DNAH9: variants seen among roughly 807,000 people sequenced by gnomAD.
DNAH9 encodes DNAH9 variant protein.
Under a neutral mutation model 471.6 loss-of-function variants are expected in DNAH9, and 345 were observed. The observed-to-expected ratio is 0.73, with a 90% CI of 0.67 to 0.80. The LOEUF (loss-of-function observed/expected upper bound fraction) is 0.80. DNAH9 is among the 30% of genes least tolerant of loss of function. The pLI, the probability that DNAH9 is intolerant of heterozygous loss-of-function variation, is 0.00. For missense variants in DNAH9, 5,407 were observed against 5,609.2 expected (o/e 0.96, Z 1.15); for synonymous variants, 2,093 against 2,123.6 (o/e 0.99, Z 0.40).
chr17:11,797,572 C>G, intron 42 of DNAH9, 25 bp from the exon 43 acceptor site: 1 of 1,590,528 alleles, frequency 6.3e-7, no homozygotes, highest in Non-Finnish European at 8.6e-7. Context: ...TAATGAGGGC[C>G]CTTATTCCTG....
At chr17:11,885,488 G>C (rs970154675) in intron 56 of DNAH9, among the ~76,000 whole-genome samples, 1 of 152,068 alleles carries the variant, frequency 6.6e-6, no homozygotes, top group South Asian at 2.1e-4. Flanking sequence ...TTCTTTCTGA[G>C]TTGCTTTTGT....
At chr17:11,897,544 T>C (rs1366490599) in intron 59 of DNAH9, among the ~76,000 whole-genome samples, 1 of 152,184 alleles carries the variant, frequency 6.6e-6, no homozygotes, top group East Asian at 1.9e-4. Context: ...GTCTGATGCT[T>C]TTACGGAAAA....
Position 11,854,108 on chromosome 17 carries a change from G to T in DNAH9, c.9613G>T (p.Asp3205Tyr). The change falls in exon 50 of 69, where the codon GAC (aspartate) becomes TAC (tyrosine). Residue 3205 changes from aspartate (D) to tyrosine (Y), a missense_variant. Coordinates refer to ENST00000262442, the MANE Select transcript of DNAH9 (RefSeq NM_001372.4). Reference protein sequence around the residue: ...LMAPRGRVPKDRSWKAAKVTM... With the variant: ...LMAPRGRVPKYRSWKAAKVTM... Reference sequence around the variant, plus strand: ...GGCTCCCAGGGGTAGGGTGCCCAAGGACCGGAGCTGGAAGGCTGCTAAGGT... The same window carrying T: ...GGCTCCCAGGGGTAGGGTGCCCAAGTACCGGAGCTGGAAGGCTGCTAAGGT... 6.2e-7 allele frequency: 1 copy of T among 1,614,150 alleles called. No individual in the cohort carries two copies. The highest frequency in any genetic ancestry group is 8.5e-7 in the Non-Finnish European group (1 of 1,180,036).
intron 4 of DNAH9, among the ~76,000 whole-genome samples, chr17:11,615,197 G>A (rs2072716809): frequency 6.6e-6 from 1 of 152,170 alleles, no homozygotes; most frequent in Non-Finnish European, 1.5e-5. Context: ...ACAAATAAAC[G>A]TGTTTGTCCT....
intron 55 of DNAH9, 31 bp from the exon 56 acceptor site, chr17:11,883,555 C>T (rs759989083): frequency 1.9e-6 from 3 of 1,611,478 alleles, no homozygotes; most frequent in Non-Finnish European, 2.5e-6. Flanking sequence ...TGGGCATCTG[C>T]ACCTGACTGT....
intron 36 of DNAH9, among the ~76,000 whole-genome samples, 200 bp from the exon 37 acceptor site, chr17:11,768,253 G>A (rs955614806): frequency 6.6e-6 from 1 of 152,166 alleles, no homozygotes. Context: ...ATGCCTGTGC[G>A]TGGCCCCTGC....
At chr17:11,665,717 T>G (rs17601080) in intron 15 of DNAH9, among the ~76,000 whole-genome samples, 51,243 of 152,062 alleles carry the variant, frequency 0.34, 8,856 homozygotes, top group Middle Eastern at 0.41. Flanking sequence ...GCTTAGCAAA[T>G]AACCTATAGA....
chr17:11,921,963 G>A (rs1327843552), intron 61 of DNAH9, among the ~76,000 whole-genome samples: 1 of 152,176 alleles, frequency 6.6e-6, no homozygotes, highest in Non-Finnish European at 1.5e-5. Context: ...GAGCAGAAAT[G>A]TCACAGAAGA....
At chr17:11,731,410 A>C (rs1369762542) in intron 28 of DNAH9, among the ~76,000 whole-genome samples, 1 of 150,712 alleles carries the variant, frequency 6.6e-6, no homozygotes, top group Non-Finnish European at 1.5e-5. Flanking sequence ...TTTTTTTTTA[A>C]ATTATACTTT....
rs1051556563 is a variant in DNAH9, at chr17:11,831,443, A to C, written c.9247-3195A>C. Among the ~76,000 whole-genome samples the C allele has an allele frequency of 2.6e-4, 39 of 152,186 alleles. 1 individual carries two copies. Among genetic ancestry groups the C allele is most frequent in the Admixed American group, 2.0e-3 (30 of 15,290 alleles). ...ACCCACCCCCACAGGAAGGGCATTT[A>C]TCTCTTCATGATGGACCCGCCCCCA... On this transcript the variant is annotated intron_variant, in intron 48 of 68. Coordinates refer to ENST00000262442, the MANE Select transcript of DNAH9 (RefSeq NM_001372.4).
At position 11,823,128 on chromosome 17, in the gene DNAH9, G is replaced by GA; in HGVS notation, c.9246+99dup. On this transcript the variant is annotated intron_variant, in intron 48 of 68. Coordinates refer to ENST00000262442, the MANE Select transcript of DNAH9 (RefSeq NM_001372.4). The stretch of plus-strand genomic sequence containing the variant: ...ACTGGAGGGATCACAATCAAGATCT[G>GA]AAAAATATGTACGGTTTTCCAGAGA... The GA allele has an allele frequency of 5.7e-6, 6 of 1,054,402 alleles. No homozygotes were observed. The South Asian group carries it at 9.8e-5, about 17-fold the overall frequency. The allele number at this position is 1,054,402 out of a possible 1,614,324, so 65.3% of individuals were successfully genotyped here.
intron 61 of DNAH9, among the ~76,000 whole-genome samples, chr17:11,919,976 G>A (rs370348499): frequency 1.3e-4 from 20 of 151,968 alleles, no homozygotes; most frequent in African/African-American, 4.8e-4. Flanking sequence ...CATGATGGGA[G>A]AGCCCTGGGT....
chr17:11,874,939 TC>T lies in DNAH9; in HGVS notation c.10243-9del. 1 of 1,605,926 alleles carries T rather than the reference TC, an allele frequency of 6.2e-7. No individual in the cohort carries two copies. The highest frequency in any genetic ancestry group is 8.5e-7 in the Non-Finnish European group (1 of 1,172,950). ...GTTCTGAGCGTGGGGTGGTGTTTCT[TC>T]TTCACCAGACTCCCATTCCAGTCAC... On this transcript the variant is annotated splice_polypyrimidine_tract_variant and intron_variant, in intron 52 of 68. Transcript: ENST00000262442.
At chr17:11,673,993 T>C (rs1283479537) in intron 17 of DNAH9, among the ~76,000 whole-genome samples, 4 of 152,240 alleles carry the variant, frequency 2.6e-5, no homozygotes, top group Non-Finnish European at 5.9e-5. Context: ...CTGTGTTCTA[T>C]TTCTTTCACT....
At chr17:11,848,801 A>C (rs776152454) in intron 49 of DNAH9, among the ~76,000 whole-genome samples, 2 of 151,530 alleles carry the variant, frequency 1.3e-5, no homozygotes, top group Non-Finnish European at 2.9e-5. Flanking sequence ...CAGACTTTTT[A>C]AAAATCCTCT....
At chr17:11,620,177 T>G (rs1419608471) in intron 6 of DNAH9, among the ~76,000 whole-genome samples, 1 of 150,760 alleles carries the variant, frequency 6.6e-6, no homozygotes, top group African/African-American at 2.5e-5. Context: ...ATTGTGCCAC[T>G]GCACTCTAGC....
intron 26 of DNAH9, among the ~76,000 whole-genome samples, chr17:11,705,678 CTA>C (rs1357851243): frequency 6.6e-6 from 1 of 152,090 alleles, no homozygotes; most frequent in Non-Finnish European, 1.5e-5. Context: ...AATAGCATGA[CTA>C]TAGCTAGCAA....
chr17:11,647,407 A>G (rs1298292399), intron 12 of DNAH9, among the ~76,000 whole-genome samples: 1 of 152,044 alleles, frequency 6.6e-6, no homozygotes, highest in Non-Finnish European at 1.5e-5. Flanking sequence ...CAGCACAAAG[A>G]CTTTTTATAA....
chr17:11,932,294 T>G lies in DNAH9; in HGVS notation c.12297+89T>G. On this transcript the variant is annotated intron_variant, in intron 64 of 68. Coordinates refer to ENST00000262442, the MANE Select transcript of DNAH9 (RefSeq NM_001372.4). The surrounding 1 kb of genome is among the most constrained non-coding windows in gnomAD (Gnocchi z 4.3). ...AGGGGTGAATCAGAGGGGTCTAGGA[T>G]GGGGCCTGAGAATGTGCATTTCTAA... The G allele has an allele frequency of 7.4e-7, 1 of 1,345,454 alleles. No homozygotes were observed. 83.3% of individuals were successfully genotyped at this position (1,345,454 alleles called of 1,614,324 possible).
Sources: gnomAD v4.1 joint callset for allele counts (sites outside exome capture counted in the v4.1 genomes callset) on GRCh38, gnomAD v4.1.1 for gene constraint, Gnocchi (gnomAD v3.1) non-coding constraint, MANE v1.5 for transcripts, NCBI Gene and HGNC (gene_info 2026-07-23, HGNC 2026-07-21) for gene names.